Variants in ANKS1A observed in about 807,000 individuals in gnomAD.
The protein encoded by ANKS1A is ankyrin repeat and SAM domain-containing protein 1A.
Under a neutral mutation model 120.3 loss-of-function variants are expected in ANKS1A, and 55 were observed. The ratio of observed to expected loss-of-function variants is 0.46; its 90% CI spans 0.37 to 0.57. The LOEUF (loss-of-function observed/expected upper bound fraction) is 0.57. Ranked by LOEUF, ANKS1A falls within the 20% of genes least tolerant of loss-of-function variation. ANKS1A has a pLI of 0.00. For synonymous variants in ANKS1A, 590 were observed against 604.7 expected (o/e 0.98, Z 0.36); for missense variants, 1,123 against 1,480.3 (o/e 0.76, Z 3.96).
intron 1 of ANKS1A, among the ~76,000 whole-genome samples, chr6:34,898,635 C>G (rs1310819563): frequency 6.6e-6 from 1 of 151,960 alleles, no homozygotes; most frequent in African/African-American, 2.4e-5. Flanking sequence ...AAGAAATGCA[C>G]TAAGAAGAAA....
intron 1 of ANKS1A, among the ~76,000 whole-genome samples, chr6:34,947,879 A>G (rs1769879895): frequency 6.6e-6 from 1 of 152,232 alleles, no homozygotes; most frequent in Non-Finnish European, 1.5e-5. Context: ...AAAACTAGAA[A>G]AAGAATTTGG....
At position 34,985,096 on chromosome 6, in the gene ANKS1A, G is replaced by A. The variant is rs34483936; in HGVS notation, c.1027G>A (p.Ala343Thr). The A allele has an allele frequency of 4.8e-4, 776 of 1,613,836 alleles. 4 individuals carry two copies. The African/African-American group carries it at 7.8e-3, about 16-fold the overall frequency. The change falls in exon 8 of 24, where the codon GCA becomes ACA. Residue 343 changes from alanine to threonine, a missense_variant. Transcript: ENST00000360359. ...CCTCCTCTCAGGTGACGTGGAGAAA[G>A]CAGTGACTGAACTGATTATAGATTT... ...SQKSQGDVEK[A>T]VTELIIDFDA...
Position 34,889,704 on chromosome 6 carries a change from G to A in ANKS1A, c.197+105G>A, listed in dbSNP as rs1355609225. On this transcript the variant is annotated intron_variant, in intron 1 of 23. Coordinates refer to ENST00000360359, the MANE Select transcript of ANKS1A (RefSeq NM_015245.3). This position sits in a 1 kb window ranked among gnomAD's most constrained non-coding sequence, Gnocchi z 5.5. ...GGGTCCTGAGACTCGGGCGGGGTGGGCTTGTGGCGTGCCCGGGGCGAGGCA... is the reference window on the plus strand; with the variant it reads ...GGGTCCTGAGACTCGGGCGGGGTGGACTTGTGGCGTGCCCGGGGCGAGGCA... 10 of 1,173,234 alleles carry A rather than the reference G, an allele frequency of 8.5e-6. No homozygotes were observed. The highest frequency in any genetic ancestry group is 1.1e-5 in the Non-Finnish European group (10 of 952,060). 72.7% of individuals were successfully genotyped at this position (1,173,234 alleles called of 1,614,324 possible). A position where few individuals can be genotyped will look rare whatever the true frequency, so the allele number is the denominator to read the frequency against.
chr6:35,046,442 A>G (rs1276516451), intron 11 of ANKS1A, among the ~76,000 whole-genome samples: 1 of 152,174 alleles, frequency 6.6e-6, no homozygotes, highest in Non-Finnish European at 1.5e-5. Flanking sequence ...TAATCTTACA[A>G]TTTATTATCC....
intron 14 of ANKS1A, 30 bp from the exon 15 acceptor site, chr6:35,079,486 G>C: frequency 6.2e-7 from 1 of 1,612,264 alleles, no homozygotes; most frequent in Non-Finnish European, 8.5e-7. Flanking sequence ...GTGCTGAGAT[G>C]TCAGTTTCAC....
chr6:35,072,265 CCGACCCGGGCCGACCCTT>C (rs1777121093), intron 13 of ANKS1A, among the ~76,000 whole-genome samples: 1 of 152,206 alleles, frequency 6.6e-6, no homozygotes, highest in African/African-American at 2.4e-5. Flanking sequence ...ACGCCCGGGG[CCGACCCGGGCCGACCCTT>C]GTCATGCTCC....
intron 1 of ANKS1A, among the ~76,000 whole-genome samples, chr6:34,897,578 C>G (rs1767152035): frequency 6.6e-6 from 1 of 152,132 alleles, no homozygotes; most frequent in Non-Finnish European, 1.5e-5. Flanking sequence ...AAATATTTCC[C>G]ACACTGATTT....
chr6:34,951,782 G>C lies in ANKS1A; in HGVS notation c.198-15457G>C, dbSNP rs560917963. 3.5e-4 allele frequency among the ~76,000 whole-genome samples: 53 copies of C among 152,136 alleles called. 1 individual carries two copies. The highest frequency in any genetic ancestry group is 6.6e-4 in the Non-Finnish European group (45 of 68,032). On this transcript the variant is annotated intron_variant, in intron 1 of 23. Coordinates refer to ENST00000360359, the MANE Select transcript of ANKS1A (RefSeq NM_015245.3). Reference sequence around the variant, plus strand: ...ATACTTACCTTAAGTAACAGACTTTGTCAGCTAATTGGATTTCTGGAAATG... The same window carrying C: ...ATACTTACCTTAAGTAACAGACTTTCTCAGCTAATTGGATTTCTGGAAATG...
chr6:34,896,331 A>C (rs549490931), intron 1 of ANKS1A, among the ~76,000 whole-genome samples: 5 of 152,096 alleles, frequency 3.3e-5, no homozygotes, highest in African/African-American at 9.6e-5. Flanking sequence ...CGGCCTCCCA[A>C]AGTGCTGGAA....
In ANKS1A at chr6:35,088,803, A is replaced by C; in HGVS notation, c.*194A>C. 1 of 1,504,006 alleles carries C rather than the reference A, an allele frequency of 6.6e-7. No individual in the cohort carries two copies. The highest frequency in any genetic ancestry group is 1.3e-5 in the South Asian group (1 of 78,070). 93.2% of individuals were successfully genotyped at this position (1,504,006 alleles called of 1,614,324 possible). A position where few individuals can be genotyped will look rare whatever the true frequency, so the allele number is the denominator to read the frequency against. On this transcript the variant is annotated 3_prime_UTR_variant, in exon 24 of 24. Coordinates refer to ENST00000360359, the MANE Select transcript of ANKS1A (RefSeq NM_015245.3). The stretch of plus-strand genomic sequence containing the variant: ...AGAACGAGCCCTGCCTTGGCTGTGG[A>C]GAAGCACTCCAGGCCGCTAGCAGAT...
intron 11 of ANKS1A, chr6:35,038,268 C>T (rs933900070): frequency 1.3e-5 from 6 of 456,524 alleles, no homozygotes; most frequent in Middle Eastern, 3.2e-4. Flanking sequence ...TGGGTGGGTC[C>T]GCTGGCACAT....
intron 14 of ANKS1A, 106 bp downstream of exon 14, chr6:35,078,762 C>A: frequency 2.8e-6 from 3 of 1,076,586 alleles, no homozygotes; most frequent in Non-Finnish European, 4.1e-6. Flanking sequence ...AGCACACGCA[C>A]ATCATAGCAG....
At chr6:34,950,222 CTTTTTTTTTTT>C (rs747865614) in intron 1 of ANKS1A, among the ~76,000 whole-genome samples, 2 of 97,542 alleles carry the variant, frequency 2.1e-5, no homozygotes, top group African/African-American at 8.8e-5. Flanking sequence ...TCTTTTCTCT[CTTTTTTTTTTT>C]TTTTTTTTTT....
intron 1 of ANKS1A, among the ~76,000 whole-genome samples, chr6:34,904,772 G>A (rs1360406918): frequency 1.3e-5 from 2 of 152,056 alleles, no homozygotes; most frequent in African/African-American, 4.8e-5. Flanking sequence ...TGTTGCTCAA[G>A]GTGACATCTG....
rs200325358 is a variant in ANKS1A at position 35,017,682 on chromosome 6, G to C, written c.1633G>C (p.Glu545Gln). 8.1e-6 allele frequency: 13 copies of C among 1,614,054 alleles called. No homozygotes were observed. In the Admixed American group the frequency reaches 2.0e-4, roughly 25 times the overall value. ...CTGCCACAAGGCCAGCATGCAGCTGGAGGAGACGGGTGTGCATGCTCCTGG... is the reference window on the plus strand; with the variant it reads ...CTGCCACAAGGCCAGCATGCAGCTGCAGGAGACGGGTGTGCATGCTCCTGG... ...GACHKASMQLEETGVHAPGAS... is the reference protein window; with the variant it reads ...GACHKASMQLQETGVHAPGAS... Residue 545 changes from glutamate to glutamine, a missense_variant, in exon 11 of 24, where the codon GAG (glutamate) becomes CAG (glutamine). Physicochemically the swap from Glu to Gln is conservative, Grantham distance 29 (BLOSUM62 2). Around this residue, in one of 3 missense-constraint regions of ANKS1A, gnomAD observed 904 missense variants for 1,130.4 expected, o/e 0.80. Coordinates refer to ENST00000360359, the MANE Select transcript of ANKS1A (RefSeq NM_015245.3).
At chr6:34,913,449 C>T (rs1322620227) in intron 1 of ANKS1A, among the ~76,000 whole-genome samples, 2 of 152,138 alleles carry the variant, frequency 1.3e-5, no homozygotes, top group Non-Finnish European at 2.9e-5. Flanking sequence ...GCCTCAGCAT[C>T]CTGAGTAGCT....
At chr6:35,037,847 C>T (rs1312414821) in intron 11 of ANKS1A, among the ~76,000 whole-genome samples, 1 of 152,102 alleles carries the variant, frequency 6.6e-6, no homozygotes, top group African/African-American at 2.4e-5. Context: ...TCCCTGGGGT[C>T]CTGGTTCTGG....
chr6:35,078,686 C>T (rs773164200), intron 14 of ANKS1A, 30 bp downstream of exon 14: 1 of 1,595,028 alleles, frequency 6.3e-7, no homozygotes, highest in Non-Finnish European at 8.5e-7. Context: ...TAGCCTCAGC[C>T]CGTGCGGAGC....
At chr6:34,965,412 C>T (rs1331732799) in intron 1 of ANKS1A, among the ~76,000 whole-genome samples, 2 of 151,846 alleles carry the variant, frequency 1.3e-5, no homozygotes, top group Admixed American at 1.3e-4. Context: ...AGTGTAGTGG[C>T]ACGATCTTGG....
Sources: allele counts gnomAD v4.1 joint callset (sites outside exome capture counted in the v4.1 genomes callset), GRCh38; gene constraint gnomAD v4.1.1; regional missense constraint gnomAD v4.1.1; non-coding constraint Gnocchi (gnomAD v3.1); transcripts MANE v1.5; gene names NCBI Gene and HGNC (gene_info 2026-07-23, HGNC 2026-07-21).